Variants in OCA2 observed in about 807,000 individuals in gnomAD.
OCA2 encodes P protein.
In OCA2, 77 loss-of-function variants were observed where a neutral mutation model predicts 100.2. That is an observed-to-expected ratio of 0.77 (90% CI 0.64 to 0.93). OCA2 has a LOEUF of 0.93. Among genes scored for constraint, OCA2 ranks in the 40% least tolerant of loss-of-function variants. OCA2 has a pLI of 0.00. For missense variants in OCA2, 1,062 were observed against 1,089.1 expected (o/e 0.98, Z 0.35); for synonymous variants, 432 against 439.2 (o/e 0.98, Z 0.21).
intron 21 of OCA2, among the ~76,000 whole-genome samples, chr15:27,866,966 T>C (rs1359412243): frequency 6.6e-6 from 1 of 152,206 alleles, no homozygotes; most frequent in Non-Finnish European, 1.5e-5. Flanking sequence ...CAGAAGTCCC[T>C]GGACTCAGCA....
the OCA2 span, among the ~76,000 whole-genome samples, chr15:27,741,943 T>C: frequency 6.6e-6 from 1 of 152,254 alleles, no homozygotes; most frequent in Non-Finnish European, 1.5e-5. Flanking sequence ...AGTAGCAACT[T>C]ATCCAAGCTG....
At chr15:27,923,120 C>A (rs2038926389) in intron 19 of OCA2, among the ~76,000 whole-genome samples, 2 of 152,150 alleles carry the variant, frequency 1.3e-5, no homozygotes, top group African/African-American at 4.8e-5. Context: ...TGGCTCCATC[C>A]ATGTTTCTGC....
At chr15:27,926,460 C>CG (rs938089524) in intron 18 of OCA2, among the ~76,000 whole-genome samples, 3 of 125,542 alleles carry the variant, frequency 2.4e-5, no homozygotes, top group African/African-American at 9.2e-5. Context: ...TGCCCATTGA[C>CG]CCACAAGTTT....
chr15:27,729,891 G>A, the OCA2 span, among the ~76,000 whole-genome samples: 2 of 152,190 alleles, frequency 1.3e-5, no homozygotes, highest in Admixed American at 6.5e-5. Context: ...GTTCTACTGT[G>A]TTTCTACTCT....
the OCA2 span, among the ~76,000 whole-genome samples, chr15:27,740,820 G>T: frequency 6.6e-6 from 1 of 152,154 alleles, no homozygotes; most frequent in African/African-American, 2.4e-5. Context: ...CTCTGTCTCT[G>T]TCCCTACACA....
At chr15:27,964,124 A>C (rs2040489591) in intron 15 of OCA2, among the ~76,000 whole-genome samples, 1 of 152,218 alleles carries the variant, frequency 6.6e-6, no homozygotes, top group South Asian at 2.1e-4. Context: ...AAACCTTTCC[A>C]CAAAAACATC....
At chr15:27,897,822 G>A (rs754300024) in intron 19 of OCA2, among the ~76,000 whole-genome samples, 5 of 152,200 alleles carry the variant, frequency 3.3e-5, no homozygotes, top group Non-Finnish European at 7.3e-5. Context: ...ACCAGCCCGT[G>A]AAGGCAGCGG....
intron 19 of OCA2, among the ~76,000 whole-genome samples, chr15:27,878,658 G>C (rs1044981955): frequency 9.2e-5 from 14 of 151,954 alleles, no homozygotes; most frequent in African/African-American, 2.7e-4. Context: ...TTAGTTTTCA[G>C]CACTATGATT....
intron 11 of OCA2, among the ~76,000 whole-genome samples, chr15:27,988,619 A>G (rs751865085): frequency 3.3e-5 from 5 of 152,212 alleles, no homozygotes; most frequent in Non-Finnish European, 5.9e-5. Flanking sequence ...GTGAGAAAAT[A>G]CATTTATATT....
chr15:28,068,435 G>C (rs2044091680), intron 2 of OCA2, among the ~76,000 whole-genome samples: 3 of 152,160 alleles, frequency 2.0e-5, no homozygotes, highest in African/African-American at 7.2e-5. Flanking sequence ...GAATAAACCA[G>C]TATCAACATC....
At chr15:27,904,428 T>A (rs1198507807) in intron 19 of OCA2, among the ~76,000 whole-genome samples, 1 of 151,998 alleles carries the variant, frequency 6.6e-6, no homozygotes, top group Non-Finnish European at 1.5e-5. Context: ...GCGGGGTGTA[T>A]CCTTGGCCCA....
chr15:27,976,653 A>G (rs1375864673), intron 14 of OCA2, among the ~76,000 whole-genome samples: 1 of 152,142 alleles, frequency 6.6e-6, no homozygotes, highest in African/African-American at 2.4e-5. Flanking sequence ...TGGATTTACT[A>G]ATTTTTTAAA....
chr15:27,969,981 T>C (rs1311282617), intron 14 of OCA2, among the ~76,000 whole-genome samples: 1 of 151,556 alleles, frequency 6.6e-6, no homozygotes, highest in Non-Finnish European at 1.5e-5. Flanking sequence ...CATGGTGTAA[T>C]TTGAAAATAT....
the OCA2 span, among the ~76,000 whole-genome samples, chr15:27,724,335 T>TG: frequency 6.6e-6 from 1 of 152,114 alleles, no homozygotes; most frequent in African/African-American, 2.4e-5. Flanking sequence ...TGCCCCTGGC[T>TG]TGTAGGTGAG....
At chr15:28,018,192 A>G (rs1031853596) in intron 7 of OCA2, among the ~76,000 whole-genome samples, 4 of 152,182 alleles carry the variant, frequency 2.6e-5, no homozygotes, top group African/African-American at 9.7e-5. Context: ...GCCTGATTTT[A>G]CTGAAATGGC....
intron 19 of OCA2, among the ~76,000 whole-genome samples, chr15:27,911,273 A>T (rs536417016): frequency 2.0e-5 from 3 of 152,032 alleles, no homozygotes; most frequent in African/African-American, 4.8e-5. Context: ...TACAAAAATT[A>T]GCCAGGTGTG....
intron 19 of OCA2, among the ~76,000 whole-genome samples, chr15:27,879,140 G>T (rs528484736): frequency 6.6e-6 from 1 of 152,184 alleles, no homozygotes; most frequent in African/African-American, 2.4e-5. Flanking sequence ...ACTTGCCGAG[G>T]ATAACAGCTT....
At chr15:27,788,579 G>A (rs10162743) in intron 23 of OCA2, among the ~76,000 whole-genome samples, 3,060 of 151,810 alleles carry the variant, frequency 0.02, 115 homozygotes, top group African/African-American at 0.07. Context: ...CAGGCTATTC[G>A]TATTTTTAGT....
chr15:27,731,642 C>G, the OCA2 span, among the ~76,000 whole-genome samples: 1,196 of 152,324 alleles, frequency 7.9e-3, 14 homozygotes, highest in African/African-American at 0.027. Context: ...TCTTCACTCT[C>G]TTGTACCTGC....
Sources: allele counts gnomAD v4.1 joint callset (sites outside exome capture counted in the v4.1 genomes callset), GRCh38; gene constraint gnomAD v4.1.1; transcripts MANE v1.5; gene names NCBI Gene and HGNC (gene_info 2026-07-23, HGNC 2026-07-21).